Variants in MYO1C observed in about 807,000 individuals in gnomAD.
MYO1C encodes myosin IC.
MYO1C carries 104 observed loss-of-function variants against 150.8 expected under a neutral mutation model. The ratio of observed to expected loss-of-function variants is 0.69; its 90% CI spans 0.59 to 0.81. The LOEUF is 0.81. Among genes scored for constraint, MYO1C ranks in the 30% least tolerant of loss-of-function variants. The pLI is 0.00. For missense variants in MYO1C, 1,504 were observed against 1,435.0 expected (o/e 1.05, Z -0.78); for synonymous variants, 663 against 579.9 (o/e 1.14, Z -2.06).
At chr17:1,468,932 G>A (rs907251965) in intron 25 of MYO1C, 14 of 300,452 alleles carry the variant, frequency 4.7e-5, no homozygotes, top group African/African-American at 2.2e-4. Context: ...CAATCGACCC[G>A]AGTGAAGACG....
chr17:1,475,907 G>A (rs1318429510), intron 14 of MYO1C, among the ~76,000 whole-genome samples: 1 of 152,046 alleles, frequency 6.6e-6, no homozygotes, highest in African/African-American at 2.4e-5. Flanking sequence ...TTGATGATAC[G>A]GGAAAATGTG....
rs761976045 is a variant in MYO1C, at chr17:1,478,662, G to C, written c.1166C>G (p.Thr389Ser). The change falls in exon 10 of 32, where the codon ACT (threonine) becomes AGT (serine). Residue 389 changes from threonine to serine, a missense_variant. Thr to Ser is a moderately conservative substitution (Grantham distance 58, BLOSUM62 1). Transcript: ENST00000648651. This position sits in a 1 kb window ranked among gnomAD's most constrained non-coding sequence, Gnocchi z 6.3. ...DALAKAVYSR[T>S]FTWLVGKINR... ...GATCTTCCCGACGAGCCAGGTAAAA[G>C]TGCGGCTGTACACAGCCTTGGCGAG... 1.9e-6 allele frequency: 3 copies of C among 1,614,198 alleles called. No individual in the cohort carries two copies. In the Middle Eastern group the frequency reaches 4.9e-4, roughly 266 times the overall value.
Position 1,465,751 on chromosome 17 carries a change from A to G in MYO1C, c.3167T>C (p.Val1056Ala). Residue 1056 changes from valine (V) to alanine (A), a missense_variant and splice_region_variant, in exon 32 of 32, where the codon GTC becomes GCC. Val to Ala is a moderately conservative substitution (Grantham distance 64, BLOSUM62 0). Transcript: ENST00000648651. ...TCACCGAGAATTCAGCCGTGGGGCG[A>G]CCTGTGGGGGCGGAGAGAGACGGCC... is the stretch of plus-strand genomic sequence containing the variant. ...TKAKNGHLAV[V>A]APRLNSR The G allele has an allele frequency of 7.6e-7, 1 of 1,322,034 alleles. No individual in the cohort carries two copies. The highest frequency in any genetic ancestry group is 2.8e-5 in the South Asian group (1 of 35,572). The allele number at this position is 1,322,034 out of a possible 1,614,324, so 81.9% of individuals were successfully genotyped here. A position where few individuals can be genotyped will look rare whatever the true frequency, so the allele number is the denominator to read the frequency against.
At chr17:1,485,087 G>C (rs1421435083) in intron 1 of MYO1C, 2 of 1,244,588 alleles carry the variant, frequency 1.6e-6, no homozygotes, top group Admixed American at 2.6e-5. Context: ...CCTCCACTGA[G>C]AGTCCTGAGA....
intron 1 of MYO1C, chr17:1,484,964 G>A: frequency 2.0e-6 from 1 of 493,468 alleles, no homozygotes; most frequent in Non-Finnish European, 3.8e-6. Flanking sequence ...TTCCCCCAGA[G>A]GGCCTCCCAC....
At chr17:1,484,411 G>C in intron 1 of MYO1C, 108 bp from the exon 2 acceptor site, 7 of 1,333,728 alleles carry the variant, frequency 5.2e-6, no homozygotes, top group Non-Finnish European at 7.3e-6. Context: ...GTGGACTCCG[G>C]GCTAGACACG....
chr17:1,478,823 CCA>C lies in MYO1C; in HGVS notation c.1093-90_1093-89del. 6.3e-7 allele frequency: 1 copy of C among 1,587,252 alleles called. No individual in the cohort carries two copies. The highest frequency in any genetic ancestry group is 8.5e-7 in the Non-Finnish European group (1 of 1,170,672). On this transcript the variant is annotated intron_variant, in intron 9 of 31. Transcript: ENST00000648651. This position sits in a 1 kb window ranked among gnomAD's most constrained non-coding sequence, Gnocchi z 6.3. Reference sequence around the variant, plus strand: ...CAGGCTCAGGCAGACCAGGAAGCCGCCACCACTCTGCACTCCCAGCTCCAGCA... The same window carrying C: ...CAGGCTCAGGCAGACCAGGAAGCCGCCCACTCTGCACTCCCAGCTCCAGCA...
In MYO1C at chr17:1,482,913, T is replaced by A. The variant is rs749019408; in HGVS notation, c.494A>T (p.Glu165Val). 3 of 1,552,700 alleles carry A rather than the reference T, an allele frequency of 1.9e-6. No individual in the cohort carries two copies. The Admixed American group carries it at 5.4e-5, about 28-fold the overall frequency. Residue 165 changes from glutamate (E) to valine (V), a missense_variant, in exon 4 of 32, where the codon GAG (glutamate) becomes GTG (valine). Glu to Val is a moderately radical substitution (Grantham distance 121). Transcript: ENST00000648651. ...QFYAETCPAP[E>V]RGGAVRDRLL... ...CCGGTCCCGCACGGCACCTCCGCGC[T>A]CGGGGGCTGGGCAGGTCTCTGCATA... is the stretch of plus-strand genomic sequence containing the variant.
At chr17:1,467,155 G>A (rs1039040549) in intron 31 of MYO1C, 87 bp downstream of exon 31, 4 of 1,267,432 alleles carry the variant, frequency 3.2e-6, no homozygotes, top group African/African-American at 3.0e-5. Context: ...AAGGCCCATG[G>A]TGAGGTGCCT....
intron 25 of MYO1C, chr17:1,468,705 G>T: frequency 1.7e-6 from 1 of 598,490 alleles, no homozygotes. Context: ...CCCCAGCGGG[G>T]TCATGAAGGC....
intron 7 of MYO1C, among the ~76,000 whole-genome samples, chr17:1,480,139 C>A (rs1242201101): frequency 1.1e-5 from 1 of 91,792 alleles, no homozygotes; most frequent in Non-Finnish European, 2.0e-5. Flanking sequence ...AGCGAGACTC[C>A]ATCTCAAAAA....
chr17:1,484,422 GGACATGA>G lies in MYO1C; in HGVS notation c.76-126_76-120del, dbSNP rs1173814371. On this transcript the variant is annotated intron_variant, in intron 1 of 31. Coordinates refer to ENST00000648651, the MANE Select transcript of MYO1C (RefSeq NM_001080779.2). ...GCTTGTGGACTCCGGGCTAGACACG[GGACATGA>G]GCATGACGGGTGCGGGGGGCCTGGG... 6 of 1,266,974 alleles carry G rather than the reference GGACATGA, an allele frequency of 4.7e-6. No individual in the cohort carries two copies. In the African/African-American group the frequency reaches 5.9e-5, roughly 12 times the overall value. 78.5% of individuals were successfully genotyped at this position (1,266,974 alleles called of 1,614,324 possible).
chr17:1,479,537 A>ACCCCCCCCCCCCCCCC lies in MYO1C; in HGVS notation c.1021-36_1021-35insGGGGGGGGGGGGGGGG. 2.7e-6 allele frequency: 4 copies of ACCCCCCCCCCCCCCCC among 1,470,824 alleles called. No individual in the cohort carries two copies. The highest frequency in any genetic ancestry group is 3.7e-6 in the Non-Finnish European group (4 of 1,072,232). The allele number at this position is 1,470,824 out of a possible 1,614,324, so 91.1% of individuals were successfully genotyped here. The stretch of plus-strand genomic sequence containing the variant: ...GCAGGCGAGGACACGGTGAGGGTGC[A>ACCCCCCCCCCCCCCCC]CCCCCAGCCCCCGCCCCCGCCGTCC... On this transcript the variant is annotated intron_variant, in intron 8 of 31. Transcript: ENST00000648651. This position sits in a 1 kb window ranked among gnomAD's most constrained non-coding sequence, Gnocchi z 4.2.
In MYO1C at chr17:1,479,711, G is replaced by T. The variant is rs1410001622; in HGVS notation, c.907-6C>A. 7 of 1,603,636 alleles carry T rather than the reference G, an allele frequency of 4.4e-6. No individual in the cohort carries two copies. In the Admixed American group the frequency reaches 8.5e-5, roughly 19 times the overall value. ...GCCACGATGCTCAGCAGGTCCTGGG[G>T]GAGCAGGCCGGGGGCAGGAGGGGGT... On this transcript the variant is annotated splice_polypyrimidine_tract_variant and splice_region_variant and intron_variant, in intron 7 of 31. Coordinates refer to ENST00000648651, the MANE Select transcript of MYO1C (RefSeq NM_001080779.2). This position sits in a 1 kb window ranked among gnomAD's most constrained non-coding sequence, Gnocchi z 4.2.
At position 1,478,601 on chromosome 17, in the gene MYO1C, G is replaced by A. The variant is rs1018492039; in HGVS notation, c.1212+15C>T. 51 of 1,613,886 alleles carry A rather than the reference G, an allele frequency of 3.2e-5. No homozygotes were observed. The East Asian group carries it at 1.1e-3, about 36-fold the overall frequency. ...CTCCCTTCTGCCTTGGGAGCAGTGT[G>A]GACCGAGCCCTCACCTTGGAGGCCA... is the stretch of plus-strand genomic sequence containing the variant. On this transcript the variant is annotated intron_variant, in intron 10 of 31. Coordinates refer to ENST00000648651, the MANE Select transcript of MYO1C (RefSeq NM_001080779.2). This position sits in a 1 kb window ranked among gnomAD's most constrained non-coding sequence, Gnocchi z 6.3.
In MYO1C at chr17:1,470,617, G is replaced by A. The variant is rs112004540; in HGVS notation, c.2281+4C>T. 3.5e-5 allele frequency: 56 copies of A among 1,610,444 alleles called. No homozygotes were observed. Among genetic ancestry groups the A allele is most frequent in the South Asian group, 2.8e-4 (25 of 90,734 alleles). On this transcript the variant is annotated splice_donor_region_variant and intron_variant, in intron 22 of 31. Transcript: ENST00000648651. ...CCCTCCTGAACACCCATGGGCCCGC[G>A]AACCTGATCTCTTCACCCGGAGGAA...
intron 17 of MYO1C, among the ~76,000 whole-genome samples, chr17:1,473,999 A>G (rs1404143170): frequency 2.6e-5 from 4 of 152,114 alleles, no homozygotes; most frequent in Non-Finnish European, 5.9e-5. Flanking sequence ...GGGTAGACAC[A>G]TGACAGCAAC....
At chr17:1,473,990 G>C (rs2074352489) in intron 17 of MYO1C, among the ~76,000 whole-genome samples, 2 of 152,050 alleles carry the variant, frequency 1.3e-5, no homozygotes, top group Admixed American at 1.3e-4. Context: ...CTGCTGAGTG[G>C]GTAGACACAT....
At position 1,480,639 on chromosome 17, in the gene MYO1C, A is replaced by G. The variant is rs756844841; in HGVS notation, c.808-14T>C. Reference sequence around the variant, plus strand: ...GGCACACTGGCCCTGGAGGAAGGGCACAGCTGGGTTGCCAGCCCTGGCACC... The same window carrying G: ...GGCACACTGGCCCTGGAGGAAGGGCGCAGCTGGGTTGCCAGCCCTGGCACC... On this transcript the variant is annotated splice_polypyrimidine_tract_variant and intron_variant, in intron 6 of 31. Transcript: ENST00000648651. The G allele has an allele frequency of 2.3e-5, 37 of 1,613,842 alleles. No individual in the cohort carries two copies. The South Asian group carries it at 3.6e-4, about 16-fold the overall frequency.
Sources: allele counts gnomAD v4.1 joint callset (sites outside exome capture counted in the v4.1 genomes callset), GRCh38; gene constraint gnomAD v4.1.1; non-coding constraint Gnocchi (gnomAD v3.1); transcripts MANE v1.5; gene names NCBI Gene and HGNC (gene_info 2026-07-23, HGNC 2026-07-21).